THSD7A: variants seen among roughly 807,000 people sequenced by gnomAD.
The protein encoded by THSD7A is thrombospondin type-1 domain-containing protein 7A.
In THSD7A, 96 loss-of-function variants were observed where a neutral mutation model predicts 231.3. The ratio of observed to expected loss-of-function variants is 0.41; its 90% confidence interval spans 0.35 to 0.49. THSD7A has a LOEUF of 0.49. Among genes scored for constraint, THSD7A ranks in the 20% least tolerant of loss-of-function variants. The pLI is 0.05. For missense variants in THSD7A, 2,290 were observed against 2,070.2 expected, an observed-to-expected ratio of 1.11 and a Z score of -2.06; for synonymous variants, 940 against 743.3, an observed-to-expected ratio of 1.26 and a Z score of -4.30.
chr7:11,757,366 C>A (rs1290252336), intron 1 of THSD7A, among the ~76,000 whole-genome samples: 1 of 151,928 alleles, frequency 6.6e-6, no homozygotes, highest in Non-Finnish European at 1.5e-5. Context: ...CCAATAACAA[C>A]AAATGTTAAG....
intron 24 of THSD7A, among the ~76,000 whole-genome samples, chr7:11,381,591 C>G (rs923217151): frequency 5.3e-5 from 8 of 152,152 alleles, no homozygotes; most frequent in Non-Finnish European, 1.0e-4. Context: ...AGGGTCAAAA[C>G]AGCAGCAAGT....
intron 1 of THSD7A, among the ~76,000 whole-genome samples, chr7:11,668,156 C>T (rs531737848): frequency 3.7e-4 from 56 of 152,122 alleles, no homozygotes; most frequent in Middle Eastern, 6.8e-3. Flanking sequence ...AATGGAAGGC[C>T]GGGCATGGTG....
chr7:11,604,338 A>G (rs1780667081), intron 2 of THSD7A, among the ~76,000 whole-genome samples: 1 of 152,238 alleles, frequency 6.6e-6, no homozygotes, highest in South Asian at 2.1e-4. Context: ...GAATGTCTAC[A>G]AAGAACCGGG....
chr7:11,634,645 C>G lies in THSD7A; in HGVS notation c.1022+1485G>C, dbSNP rs1781769716. On this transcript the variant is annotated intron_variant, in intron 2 of 27. Coordinates refer to ENST00000423059, the MANE Select transcript of THSD7A (RefSeq NM_015204.3). The surrounding 1 kb of genome is among the most constrained non-coding windows in gnomAD (Gnocchi z 4.1). ...CACACATTTAAGGAGTTGTAGGAAA[C>G]CTGGAGAATGAAGGCAGAACAACAG... Among the ~76,000 whole-genome samples, 1 of 151,576 alleles carries G rather than the reference C, an allele frequency of 6.6e-6. No homozygotes were observed. Among genetic ancestry groups the G allele is most frequent in the East Asian group, 1.9e-4 (1 of 5,180 alleles).
chr7:11,496,558 T>C (rs531239931), intron 6 of THSD7A, among the ~76,000 whole-genome samples: 1 of 152,282 alleles, frequency 6.6e-6, no homozygotes, highest in South Asian at 2.1e-4. Context: ...AAATTATCGT[T>C]ACAGAGATGA....
At chr7:11,396,160 A>G (rs1218798886) in intron 23 of THSD7A, among the ~76,000 whole-genome samples, 2 of 152,346 alleles carry the variant, frequency 1.3e-5, no homozygotes, top group East Asian at 3.9e-4. Context: ...TTTAGAGGGA[A>G]ATTTATAGCA....
chr7:11,808,012 G>C (rs1201365316), intron 1 of THSD7A, among the ~76,000 whole-genome samples: 2 of 151,910 alleles, frequency 1.3e-5, no homozygotes, highest in African/African-American at 4.8e-5. Flanking sequence ...ATTGTTTCCT[G>C]GTCCCAAGTA....
chr7:11,545,883 G>A (rs955505662), intron 4 of THSD7A, among the ~76,000 whole-genome samples: 3 of 152,134 alleles, frequency 2.0e-5, no homozygotes, highest in Non-Finnish European at 2.9e-5. Context: ...GATGGCTTTG[G>A]CCTTTGTTGA....
intron 1 of THSD7A, among the ~76,000 whole-genome samples, chr7:11,654,276 T>G (rs1782625322): frequency 6.6e-6 from 1 of 151,974 alleles, no homozygotes; most frequent in Admixed American, 6.6e-5. Flanking sequence ...TACATTAAGT[T>G]TAAAATACAA....
Position 11,718,481 on chromosome 7 carries a change from A to G in THSD7A, c.191-81520T>C, listed in dbSNP as rs529500925. 2.8e-4 allele frequency among the ~76,000 whole-genome samples: 42 copies of G among 151,812 alleles called. No homozygotes were observed. In the East Asian group the frequency reaches 8.2e-3, roughly 30 times the overall value. On this transcript the variant is annotated intron_variant, in intron 1 of 27. Transcript: ENST00000423059. ...AATACTGGTACATTCTATAGTTTTT[A>G]CAAATCATTTAAAAGTTGCATTCCA... is the stretch of plus-strand genomic sequence containing the variant.
At position 11,636,331 on chromosome 7, in the gene THSD7A, G is replaced by GCTTGTCTTA. The variant is rs1179137160; in HGVS notation, c.812_820dup (p.Val271_Gln273dup). 1 of 1,613,682 alleles carries GCTTGTCTTA rather than the reference G, an allele frequency of 6.2e-7. No individual in the cohort carries two copies. Among genetic ancestry groups the GCTTGTCTTA allele is most frequent in the Non-Finnish European group, 8.5e-7 (1 of 1,179,884 alleles). Reference sequence around the variant, plus strand: ...TTCTTTATTCTTCCCGCGTCTCCTTGCTTGTCTTACTTGTCGGGAGTGGGG... The same window carrying GCTTGTCTTA: ...TTCTTTATTCTTCCCGCGTCTCCTTGCTTGTCTTACTTGTCTTACTTGTCGGGAGTGGGG... On this transcript the variant is annotated inframe_insertion, in exon 2 of 28. Coordinates refer to ENST00000423059, the MANE Select transcript of THSD7A (RefSeq NM_015204.3). The surrounding 1 kb of genome is among the most constrained non-coding windows in gnomAD (Gnocchi z 10.0).
chr7:11,807,885 C>T (rs1784437702), intron 1 of THSD7A, among the ~76,000 whole-genome samples: 1 of 151,984 alleles, frequency 6.6e-6, no homozygotes, highest in Non-Finnish European at 1.5e-5. Flanking sequence ...TTTCTCAGAC[C>T]TCAGTAAGAA....
At chr7:11,528,115 C>G (rs1456809293) in intron 6 of THSD7A, among the ~76,000 whole-genome samples, 1 of 152,120 alleles carries the variant, frequency 6.6e-6, no homozygotes, top group Non-Finnish European at 1.5e-5. Flanking sequence ...CTGCAGTGAG[C>G]TATGGTCATG....
At chr7:11,785,795 G>A (rs890576434) in intron 1 of THSD7A, among the ~76,000 whole-genome samples, 1 of 151,998 alleles carries the variant, frequency 6.6e-6, no homozygotes, top group South Asian at 2.1e-4. Flanking sequence ...ACCCTCAATC[G>A]AGCTTCACAT....
intron 16 of THSD7A, 86 bp downstream of exon 16, chr7:11,424,610 G>A (rs1784257419): frequency 6.4e-7 from 1 of 1,552,638 alleles, no homozygotes; most frequent in Non-Finnish European, 8.8e-7. Flanking sequence ...AGAAGACTGG[G>A]GAGGAGTGAA....
chr7:11,543,895 T>C (rs765280142), intron 4 of THSD7A, among the ~76,000 whole-genome samples: 41 of 152,130 alleles, frequency 2.7e-4, no homozygotes, highest in African/African-American at 9.4e-4. Flanking sequence ...GTTCTGGACA[T>C]AGAACTAACT....
At chr7:11,448,770 A>G (rs1158975740) in intron 11 of THSD7A, among the ~76,000 whole-genome samples, 1 of 152,108 alleles carries the variant, frequency 6.6e-6, no homozygotes, top group Non-Finnish European at 1.5e-5. Context: ...CCTAACATAA[A>G]AGGCCCTTCT....
intron 8 of THSD7A, among the ~76,000 whole-genome samples, chr7:11,471,531 G>T (rs1785937724): frequency 6.6e-6 from 1 of 151,834 alleles, no homozygotes; most frequent in South Asian, 2.1e-4. Context: ...TAGATACTAT[G>T]CTTTATTCAA....
At chr7:11,739,326 A>C (rs1432345834) in intron 1 of THSD7A, among the ~76,000 whole-genome samples, 2 of 152,012 alleles carry the variant, frequency 1.3e-5, no homozygotes, top group Admixed American at 1.3e-4. Flanking sequence ...GTTAACTTGA[A>C]GGTCCTTAAA....
Sources: allele counts gnomAD v4.1 joint callset (sites outside exome capture counted in the v4.1 genomes callset), GRCh38; gene constraint gnomAD v4.1.1; non-coding constraint Gnocchi (gnomAD v3.1); transcripts MANE v1.5; gene names NCBI Gene and HGNC (gene_info 2026-07-23, HGNC 2026-07-21).